The following TRPC5 variants were observed in gnomAD, a reference collection of about 807,000 sequenced individuals.
TRPC5 encodes the protein short transient receptor potential channel 5.
Under a neutral mutation model 56.5 loss-of-function variants are expected in TRPC5, and 9 were observed. The ratio of observed to expected loss-of-function variants is 0.16; its 90% confidence interval spans 0.10 to 0.28. The LOEUF is 0.28. Ranked by LOEUF, TRPC5 falls within the 10% of genes least tolerant of loss-of-function variation. The pLI is 1.00. For synonymous variants in TRPC5, 282 were observed against 278.5 expected (o/e 1.01, Z -0.13); for missense variants, 469 against 748.9 (o/e 0.63, Z 4.36).
chrX:111,805,719 G>A (rs1048210803), intron 7 of TRPC5, among the ~76,000 whole-genome samples: 3 of 111,112 alleles, frequency 2.7e-5, no homozygotes, highest in African/African-American at 9.8e-5. Context: ...TGTCACCCAG[G>A]CTGGAGTGCA....
At chrX:111,913,677 C>T (rs1318596581) in intron 2 of TRPC5, among the ~76,000 whole-genome samples, 1 of 111,686 alleles carries the variant, frequency 9.0e-6, no homozygotes, top group African/African-American at 3.3e-5. Flanking sequence ...TAAAATGTCT[C>T]TTGCCAGGCA....
intron 3 of TRPC5, among the ~76,000 whole-genome samples, chrX:111,857,832 A>C (rs1333300869): frequency 8.9e-6 from 1 of 112,769 alleles, no homozygotes; most frequent in Non-Finnish European, 1.9e-5. Context: ...GCTCTTCAGC[A>C]ATGGTCTTGA....
At chrX:111,936,750 G>A (rs1445457532) in intron 2 of TRPC5, among the ~76,000 whole-genome samples, 1 of 97,503 alleles carries the variant, frequency 1.0e-5, no homozygotes, top group Non-Finnish European at 2.1e-5. Flanking sequence ...ATCATTGTTG[G>A]ACATTTGGGT....
intron 7 of TRPC5, among the ~76,000 whole-genome samples, chrX:111,787,319 C>G (rs1041539084): frequency 8.1e-5 from 9 of 111,277 alleles, no homozygotes; most frequent in Non-Finnish European, 1.5e-4. Context: ...GGGTAAATAA[C>G]AAAATGAAGG....
intron 3 of TRPC5, among the ~76,000 whole-genome samples, chrX:111,883,516 G>C (rs1924329825): frequency 8.9e-6 from 1 of 112,854 alleles, no homozygotes; most frequent in Non-Finnish European, 1.9e-5. Flanking sequence ...TTAAGACCTA[G>C]CTAGAGCCTA....
chrX:112,060,418 T>G (rs1409685497), intron 1 of TRPC5, among the ~76,000 whole-genome samples: 1 of 112,529 alleles, frequency 8.9e-6, no homozygotes, highest in Non-Finnish European at 1.9e-5. Context: ...AATAGTAATA[T>G]TCTTTTGAAG....
chrX:111,822,035 A>C, intron 7 of TRPC5, among the ~76,000 whole-genome samples: 1 of 111,701 alleles, frequency 9.0e-6, no homozygotes, highest in Non-Finnish European at 1.9e-5. Flanking sequence ...AAACACAGTC[A>C]TTTTTATCTC....
chrX:111,989,957 CAAG>C (rs1371067402), intron 1 of TRPC5, among the ~76,000 whole-genome samples: 1 of 112,485 alleles, frequency 8.9e-6, no homozygotes, highest in Non-Finnish European at 1.9e-5. Context: ...AATGAAGGCA[CAAG>C]AAGGTTTCTT....
At chrX:112,073,996 G>A (rs1261392243) in intron 1 of TRPC5, among the ~76,000 whole-genome samples, 2 of 111,882 alleles carry the variant, frequency 1.8e-5, no homozygotes, top group East Asian at 5.6e-4. Context: ...CAGTATAACA[G>A]TTAACGTGCA....
At chrX:112,051,849 A>G in intron 1 of TRPC5, among the ~76,000 whole-genome samples, 1 of 112,015 alleles carries the variant, frequency 8.9e-6, no homozygotes, top group Non-Finnish European at 1.9e-5. Flanking sequence ...AACACTGGGT[A>G]CTTTTTATAA....
intron 7 of TRPC5, among the ~76,000 whole-genome samples, 166 bp from the exon 8 acceptor site, chrX:111,782,304 T>C (rs1448313849): frequency 8.9e-6 from 1 of 112,282 alleles, no homozygotes; most frequent in African/African-American, 3.2e-5. Flanking sequence ...CTTAGAAATA[T>C]ATCTTATCAA....
intron 2 of TRPC5, among the ~76,000 whole-genome samples, chrX:111,950,098 G>T (rs1476398664): frequency 2.7e-5 from 3 of 111,486 alleles, no homozygotes; most frequent in Non-Finnish European, 1.9e-5. Context: ...GCCAAGGTGG[G>T]CAGATCACGA....
intron 1 of TRPC5, among the ~76,000 whole-genome samples, chrX:111,964,933 C>T (rs1603120845): frequency 9.0e-6 from 1 of 111,618 alleles, no homozygotes; most frequent in African/African-American, 3.3e-5. Context: ...GCAAAATAAC[C>T]CGCTAACATC....
chrX:111,780,516 T>G (rs1603024380), intron 9 of TRPC5, among the ~76,000 whole-genome samples: 1 of 111,169 alleles, frequency 9.0e-6, no homozygotes, highest in East Asian at 2.8e-4. Flanking sequence ...TGGTATACTC[T>G]GGGGATTGGT....
intron 1 of TRPC5, among the ~76,000 whole-genome samples, chrX:111,993,592 T>C (rs991330108): frequency 4.1e-4 from 46 of 112,449 alleles, no homozygotes; most frequent in African/African-American, 1.5e-3. Flanking sequence ...ATGATTGCCA[T>C]TCTAACTGGT....
chrX:111,992,616 A>T (rs951924133), intron 1 of TRPC5, among the ~76,000 whole-genome samples: 3 of 106,343 alleles, frequency 2.8e-5, no homozygotes, highest in Non-Finnish European at 5.7e-5. Flanking sequence ...TATTATTATT[A>T]TTTTGAGACT....
chrX:112,065,781 G>T (rs1346532466), intron 1 of TRPC5, among the ~76,000 whole-genome samples: 1 of 110,577 alleles, frequency 9.0e-6, no homozygotes, highest in Non-Finnish European at 1.9e-5. Flanking sequence ...TGAGGCACAA[G>T]AATTGCTTCA....
At chrX:111,963,714 G>A (rs1927466169) in intron 1 of TRPC5, among the ~76,000 whole-genome samples, 1 of 111,923 alleles carries the variant, frequency 8.9e-6, no homozygotes, top group East Asian at 2.8e-4. Flanking sequence ...AGGCAAATAG[G>A]GTCTGGAGTG....
In TRPC5 at chrX:111,769,120, G is replaced by A. The variant is rs1236710864; in HGVS notation, c.*7193C>T. Among the ~76,000 whole-genome samples the A allele has an allele frequency of 9.0e-6, 1 of 111,218 alleles. No individual in the cohort carries two copies. The highest frequency in any genetic ancestry group is 1.9e-5 in the Non-Finnish European group (1 of 52,928). ...TCTTTCCATTGCTTCTGCCACCGTG[G>A]GTTCTTATGAGTCCAAAATCCTCCC... On this transcript the variant is annotated 3_prime_UTR_variant, in exon 11 of 11. Coordinates refer to ENST00000262839, the MANE Select transcript of TRPC5 (RefSeq NM_012471.3).
Sources: allele counts gnomAD v4.1 joint callset (sites outside exome capture counted in the v4.1 genomes callset), GRCh38; gene constraint gnomAD v4.1.1; transcripts MANE v1.5; gene names NCBI Gene and HGNC (gene_info 2026-07-23, HGNC 2026-07-21).